Variants in DPF3 observed in about 807,000 individuals in gnomAD.
DPF3 encodes the protein double PHD fingers 3.
DPF3 carries 18 observed loss-of-function variants against 56.8 expected under a neutral mutation model. The ratio of observed to expected loss-of-function variants is 0.32; its 90% CI spans 0.22 to 0.47. The LOEUF (loss-of-function observed/expected upper bound fraction) is 0.47. DPF3 is among the 20% of genes least tolerant of loss of function. DPF3 has a pLI of 1.00. For missense variants in DPF3, 403 were observed against 488.8 expected, an observed-to-expected ratio of 0.82 and a Z score of 1.65; for synonymous variants, 188 against 180.2, an observed-to-expected ratio of 1.04 and a Z score of -0.35.
chr14:72,841,154 C>G (rs1396629106), intron 1 of DPF3, among the ~76,000 whole-genome samples: 1 of 7,470 alleles, frequency 1.3e-4, no homozygotes, highest in Non-Finnish European at 2.3e-4. Context: ...GATGTTGTTT[C>G]TAGCTTGTTT....
intron 1 of DPF3, among the ~76,000 whole-genome samples, chr14:72,847,026 G>A (rs1884788454): frequency 6.6e-6 from 1 of 152,108 alleles, no homozygotes; most frequent in African/African-American, 2.4e-5. Flanking sequence ...ATTTCTCAGT[G>A]ATAAGAAGGG....
intron 8 of DPF3, among the ~76,000 whole-genome samples, chr14:72,665,487 T>C (rs2153569766): frequency 6.6e-6 from 1 of 152,350 alleles, no homozygotes; most frequent in Non-Finnish European, 1.5e-5. Context: ...CCTCCTGATG[T>C]AATGCACTGA....
At chr14:72,890,828 T>C (rs997195743) in intron 1 of DPF3, among the ~76,000 whole-genome samples, 1 of 152,220 alleles carries the variant, frequency 6.6e-6, no homozygotes, top group Non-Finnish European at 1.5e-5. Flanking sequence ...CTTTGTGATC[T>C]GATCAGTGCA....
Position 72,694,665 on chromosome 14 carries a change from C to T in DPF3, c.605-1452G>A, listed in dbSNP as rs75141211. Among the ~76,000 whole-genome samples the T allele has an allele frequency of 3.2e-4, 48 of 152,322 alleles. No individual in the cohort carries two copies. In the East Asian group the frequency reaches 9.1e-3, roughly 29 times the overall value. The stretch of plus-strand genomic sequence containing the variant: ...ATTTACATAAACTATTTTATCTTAG[C>T]TTAGATCATTTGTAAGAACCACCAA... On this transcript the variant is annotated intron_variant, in intron 6 of 10. Transcript: ENST00000556509.
chr14:72,742,423 G>T (rs906924620), intron 3 of DPF3: 1 of 152,252 alleles, frequency 6.6e-6, no homozygotes, highest in Non-Finnish European at 1.5e-5. Flanking sequence ...AGAAGGTCGC[G>T]TTGTCCATTG....
Position 72,611,041 on chromosome 14 carries a change from A to T in DPF3, c.*8256T>A, listed in dbSNP as rs1038851099. ...AAGCCTTGTGTCCCTGACTACCTCC[A>T]CAGAGATCACCAGAATTCTCCTCAC... On this transcript the variant is annotated 3_prime_UTR_variant, in exon 11 of 11. Coordinates refer to ENST00000556509, the MANE Select transcript of DPF3 (RefSeq NM_001280542.3). Among the ~76,000 whole-genome samples the T allele has an allele frequency of 2.0e-5, 3 of 152,188 alleles. No homozygotes were observed. The highest frequency in any genetic ancestry group is 7.2e-5 in the African/African-American group (3 of 41,430).
At chr14:72,855,974 A>G (rs1391511506) in intron 1 of DPF3, among the ~76,000 whole-genome samples, 1 of 152,264 alleles carries the variant, frequency 6.6e-6, no homozygotes, top group Non-Finnish European at 1.5e-5. Context: ...AATCTAGATC[A>G]ACAACTGCTT....
chr14:72,848,885 G>T (rs999757872), intron 1 of DPF3, among the ~76,000 whole-genome samples: 1 of 152,158 alleles, frequency 6.6e-6, no homozygotes, highest in Non-Finnish European at 1.5e-5. Flanking sequence ...GTTACTTCTT[G>T]TCTGATAAAA....
At chr14:72,820,956 A>T (rs112547365) in intron 1 of DPF3, among the ~76,000 whole-genome samples, 11 of 151,940 alleles carry the variant, frequency 7.2e-5, no homozygotes, top group African/African-American at 2.4e-4. Context: ...ACATGATGAA[A>T]CCCCATCTCT....
intron 3 of DPF3, among the ~76,000 whole-genome samples, chr14:72,744,626 A>AC (rs1160018568): frequency 1.3e-5 from 2 of 151,576 alleles, no homozygotes; most frequent in African/African-American, 2.4e-5. Context: ...TTGAACGTGC[A>AC]CCCCCCACTC....
At chr14:72,662,183 C>T (rs1050745143) in intron 8 of DPF3, 36 of 985,316 alleles carry the variant, frequency 3.7e-5, no homozygotes, top group African/African-American at 8.7e-5. Context: ...TCACTTACCA[C>T]ATCCAACTCG....
chr14:72,883,725 C>T (rs901793887), intron 1 of DPF3, among the ~76,000 whole-genome samples: 3 of 152,022 alleles, frequency 2.0e-5, no homozygotes, highest in Non-Finnish European at 4.4e-5. Context: ...GTCAGGAGAT[C>T]GAGACCAGCC....
Position 72,628,734 on chromosome 14 carries a change from C to T in DPF3, c.984+890G>A, listed in dbSNP as rs551616088. 2.8e-4 allele frequency among the ~76,000 whole-genome samples: 43 copies of T among 152,086 alleles called. 1 individual carries two copies. Among genetic ancestry groups the T allele is most frequent in the Admixed American group, 2.7e-3 (41 of 15,274 alleles). On this transcript the variant is annotated intron_variant, in intron 9 of 10. Transcript: ENST00000556509. ...AAGAGACAGACAATCTGAATCAAGC[C>T]TCTAGCCCTAACAATTGACAAGAAA...
At chr14:72,672,822 T>C (rs1382655883) in intron 8 of DPF3, among the ~76,000 whole-genome samples, 2 of 152,190 alleles carry the variant, frequency 1.3e-5, no homozygotes, top group African/African-American at 4.8e-5. Flanking sequence ...ACGTGTTGCT[T>C]AGACCATCAC....
chr14:72,829,587 T>C (rs1883965824), intron 1 of DPF3, among the ~76,000 whole-genome samples: 1 of 152,030 alleles, frequency 6.6e-6, no homozygotes, highest in Non-Finnish European at 1.5e-5. Flanking sequence ...GGTTTCACCA[T>C]GTTGGCCAAG....
intron 6 of DPF3, among the ~76,000 whole-genome samples, chr14:72,706,318 C>G (rs755088155): frequency 6.6e-6 from 1 of 152,220 alleles, no homozygotes; most frequent in Non-Finnish European, 1.5e-5. Context: ...CTTCGTGTGA[C>G]CACTCCCTGC....
chr14:72,874,583 G>A (rs1886036817), intron 1 of DPF3, among the ~76,000 whole-genome samples: 1 of 152,118 alleles, frequency 6.6e-6, no homozygotes, highest in South Asian at 2.1e-4. Context: ...TCTAGGGGAG[G>A]GGGCAAAATG....
At position 72,619,152 on chromosome 14, in the gene DPF3, G is replaced by C. The variant is rs1305935638; in HGVS notation, c.*145C>G. ...GGTCAGGAGATGCCTCACCCTCTTC[G>C]TTCCATGTGTCCCTGCCCCTCTGGG... On this transcript the variant is annotated 3_prime_UTR_variant, in exon 11 of 11. Transcript: ENST00000556509. 1.7e-5 allele frequency: 13 copies of C among 774,490 alleles called. No individual in the cohort carries two copies. Among genetic ancestry groups the C allele is most frequent in the Non-Finnish European group, 1.8e-5 (9 of 496,738 alleles). 48.0% of individuals were successfully genotyped at this position (774,490 alleles called of 1,614,324 possible). A position where few individuals can be genotyped will look rare whatever the true frequency, so the allele number is the denominator to read the frequency against.
intron 1 of DPF3, among the ~76,000 whole-genome samples, chr14:72,858,078 G>A (rs1885238972): frequency 6.6e-6 from 1 of 152,004 alleles, no homozygotes; most frequent in South Asian, 2.1e-4. Context: ...GCTCAGGCAG[G>A]CGGATTACTT....
Sources: gnomAD v4.1 joint callset for allele counts (sites outside exome capture counted in the v4.1 genomes callset) on GRCh38, gnomAD v4.1.1 for gene constraint, MANE v1.5 for transcripts, NCBI Gene and HGNC (gene_info 2026-07-23, HGNC 2026-07-21) for gene names.